L3MBTL4: variants seen among roughly 807,000 people sequenced by gnomAD.
L3MBTL4 encodes the protein L3MBTL histone methyl-lysine binding protein 4, also known as lethal(3)malignant brain tumor-like protein 4.
A neutral mutation model predicts 84.5 loss-of-function variants in L3MBTL4; 70 were observed. The observed-to-expected ratio is 0.83, with a 90% CI of 0.68 to 1.01. L3MBTL4 has a LOEUF of 1.01. Among genes scored for constraint, L3MBTL4 ranks in the 50% least tolerant of loss-of-function variants. L3MBTL4 has a pLI of 0.00. For missense variants in L3MBTL4, 715 were observed against 754.8 expected (o/e 0.95, Z 0.62); for synonymous variants, 274 against 259.8 (o/e 1.05, Z -0.52).
intron 12 of L3MBTL4, among the ~76,000 whole-genome samples, chr18:6,172,464 T>C (rs2044023428): frequency 6.6e-6 from 1 of 151,928 alleles, no homozygotes; most frequent in Non-Finnish European, 1.5e-5. Flanking sequence ...GTAGACAAAA[T>C]ATGCTAGGGG....
At chr18:5,977,228 G>A (rs1462296738) in intron 16 of L3MBTL4, among the ~76,000 whole-genome samples, 3 of 152,228 alleles carry the variant, frequency 2.0e-5, no homozygotes, top group Non-Finnish European at 4.4e-5. Flanking sequence ...CATGTGCCCT[G>A]TGGTGCCCAG....
chr18:5,970,857 G>C (rs1241390750), intron 16 of L3MBTL4, among the ~76,000 whole-genome samples: 1 of 152,234 alleles, frequency 6.6e-6, no homozygotes, highest in Non-Finnish European at 1.5e-5. Context: ...TTAGTAATCA[G>C]AAAGGTTCTA....
chr18:5,983,455 A>C (rs969124170), intron 16 of L3MBTL4, among the ~76,000 whole-genome samples: 5 of 152,110 alleles, frequency 3.3e-5, no homozygotes, highest in Non-Finnish European at 7.3e-5. Context: ...CTTAATTATC[A>C]ACTATAAAAG....
intron 16 of L3MBTL4, among the ~76,000 whole-genome samples, chr18:6,066,590 C>T (rs1002386556): frequency 6.6e-6 from 1 of 152,060 alleles, no homozygotes; most frequent in African/African-American, 2.4e-5. Context: ...GACTAATCCT[C>T]TTATCATTAC....
At chr18:6,209,307 T>A (rs2046000055) in intron 12 of L3MBTL4, among the ~76,000 whole-genome samples, 1 of 152,170 alleles carries the variant, frequency 6.6e-6, no homozygotes. Context: ...CCACTACTGT[T>A]ACTACTTCTA....
At chr18:6,234,381 C>T (rs986250996) in intron 10 of L3MBTL4, among the ~76,000 whole-genome samples, 4 of 152,130 alleles carry the variant, frequency 2.6e-5, no homozygotes, top group African/African-American at 9.7e-5. Flanking sequence ...GAACAGGCAA[C>T]CTACAGAATG....
intron 1 of L3MBTL4, among the ~76,000 whole-genome samples, chr18:6,401,809 A>G (rs2144655857): frequency 2.0e-5 from 3 of 152,358 alleles, no homozygotes; most frequent in Middle Eastern, 3.4e-3. Context: ...AAAGGCATTA[A>G]GAAATGTACA....
chr18:6,072,865 C>CAA lies in L3MBTL4; in HGVS notation c.1444+8014_1444+8015dup, dbSNP rs71370542. ...GGTGACAGAGAGAGAGACTCCGTCT[C>CAA]AAAAAAAAAAAAAAAAATATATATA... On this transcript the variant is annotated intron_variant, in intron 16 of 18. Transcript: ENST00000317931. Among the ~76,000 whole-genome samples, 12 of 3,064 alleles carry CAA rather than the reference C, an allele frequency of 3.9e-3. 2 individuals carry two copies. Among genetic ancestry groups the CAA allele is most frequent in the African/African-American group, 5.0e-3 (1 of 200 alleles). The allele number at this position is 3,064 out of a possible 152,430, so 2.0% of individuals were successfully genotyped here. A position where few individuals can be genotyped will look rare whatever the true frequency, so the allele number is the denominator to read the frequency against.
intron 16 of L3MBTL4, among the ~76,000 whole-genome samples, chr18:5,991,356 A>G (rs1346716591): frequency 6.6e-6 from 1 of 152,168 alleles, no homozygotes; most frequent in Admixed American, 6.5e-5. Flanking sequence ...AATACATGTT[A>G]AGCAAATGAG....
At chr18:6,091,118 G>C (rs1373998498) in intron 15 of L3MBTL4, among the ~76,000 whole-genome samples, 3 of 152,222 alleles carry the variant, frequency 2.0e-5, no homozygotes, top group Non-Finnish European at 2.9e-5. Context: ...ATTTGGGTTA[G>C]AGAAAAGGCA....
intron 11 of L3MBTL4, among the ~76,000 whole-genome samples, chr18:6,213,489 T>C (rs2046200275): frequency 6.6e-6 from 1 of 152,218 alleles, no homozygotes; most frequent in Admixed American, 6.5e-5. Flanking sequence ...CTCAGCTCAC[T>C]GCAACCTCCA....
chr18:5,976,542 A>T (rs2052942744), intron 16 of L3MBTL4, among the ~76,000 whole-genome samples: 1 of 152,082 alleles, frequency 6.6e-6, no homozygotes, highest in African/African-American at 2.4e-5. Flanking sequence ...CCTGGATTAC[A>T]CCCTGCCCCA....
At chr18:6,015,040 G>A (rs892973654) in intron 16 of L3MBTL4, among the ~76,000 whole-genome samples, 14 of 152,028 alleles carry the variant, frequency 9.2e-5, no homozygotes, top group Non-Finnish European at 1.8e-4. Flanking sequence ...AGGTTTGCGG[G>A]GAGGAAAGAT....
intron 14 of L3MBTL4, among the ~76,000 whole-genome samples, chr18:6,115,539 A>G (rs1290818611): frequency 6.6e-6 from 1 of 152,168 alleles, no homozygotes; most frequent in African/African-American, 2.4e-5. Context: ...TTTGAATATG[A>G]GAAGCCAGCA....
At chr18:6,375,320 T>C (rs766759166) in intron 1 of L3MBTL4, among the ~76,000 whole-genome samples, 3 of 152,038 alleles carry the variant, frequency 2.0e-5, no homozygotes, top group Non-Finnish European at 4.4e-5. Flanking sequence ...CTGCCACGGC[T>C]TCTGAGGCAC....
intron 12 of L3MBTL4, among the ~76,000 whole-genome samples, chr18:6,208,568 T>G (rs2045969429): frequency 1.3e-5 from 2 of 152,236 alleles, no homozygotes; most frequent in Admixed American, 1.3e-4. Context: ...TATCAAATGT[T>G]ACTCTGTTTT....
intron 16 of L3MBTL4, among the ~76,000 whole-genome samples, chr18:6,071,816 G>C (rs1050640703): frequency 1.0e-5 from 1 of 95,746 alleles, no homozygotes; most frequent in Non-Finnish European, 2.0e-5. Flanking sequence ...AGAAAGAAAG[G>C]AAAGAAAGAA....
chr18:6,014,695 G>A (rs1222089840), intron 16 of L3MBTL4, among the ~76,000 whole-genome samples: 1 of 152,126 alleles, frequency 6.6e-6, no homozygotes, highest in Non-Finnish European at 1.5e-5. Context: ...TGGTGAATAG[G>A]GGAAGAGGAG....
At chr18:6,290,463 G>T (rs1482395708) in intron 4 of L3MBTL4, among the ~76,000 whole-genome samples, 1 of 151,916 alleles carries the variant, frequency 6.6e-6, no homozygotes, top group Non-Finnish European at 1.5e-5. Context: ...ACAGCTTTTT[G>T]ATTATCACTA....
Sources: gnomAD v4.1 joint callset for allele counts (sites outside exome capture counted in the v4.1 genomes callset) on GRCh38, gnomAD v4.1.1 for gene constraint, MANE v1.5 for transcripts, NCBI Gene and HGNC (gene_info 2026-07-23, HGNC 2026-07-21) for gene names.